The following EFL1 variants were observed in gnomAD, a reference collection of about 807,000 sequenced individuals.
EFL1 encodes the protein elongation factor-like GTPase 1.
In EFL1, 76 loss-of-function variants were observed where a neutral mutation model predicts 126.7. That is an observed-to-expected ratio of 0.60 (90% CI 0.50 to 0.73). The LOEUF is 0.73. Ranked by LOEUF, EFL1 falls within the 30% of genes least tolerant of loss-of-function variation. The pLI, the probability that EFL1 is intolerant of heterozygous loss-of-function variation, is 0.00. For synonymous variants in EFL1, 410 were observed against 448.4 expected (o/e 0.91, Z 1.08); for missense variants, 1,128 against 1,343.2 (o/e 0.84, Z 2.50).
chr15:82,216,886 A>G (rs2074653157), intron 14 of EFL1, among the ~76,000 whole-genome samples: 1 of 151,918 alleles, frequency 6.6e-6, no homozygotes, highest in Admixed American at 6.5e-5. Flanking sequence ...AAGTAAAAAC[A>G]AGTTCTACAC....
chr15:82,170,357 G>A (rs995395178), intron 15 of EFL1, among the ~76,000 whole-genome samples: 3 of 151,812 alleles, frequency 2.0e-5, no homozygotes, highest in African/African-American at 4.8e-5. Flanking sequence ...CTCGTGATCC[G>A]CCCGCCTCGG....
chr15:82,178,122 T>C (rs1407452617), intron 15 of EFL1, among the ~76,000 whole-genome samples: 2 of 152,256 alleles, frequency 1.3e-5, no homozygotes, highest in Admixed American at 6.5e-5. Flanking sequence ...TCTTTAGATT[T>C]ATCAGCAACA....
intron 15 of EFL1, among the ~76,000 whole-genome samples, chr15:82,164,195 T>C (rs1260348039): frequency 6.6e-6 from 1 of 152,132 alleles, no homozygotes; most frequent in Non-Finnish European, 1.5e-5. Context: ...GCCTTTTGTT[T>C]CCCACATGTA....
intron 15 of EFL1, among the ~76,000 whole-genome samples, chr15:82,207,310 A>C (rs1277530008): frequency 6.8e-6 from 1 of 146,336 alleles, no homozygotes; most frequent in East Asian, 1.9e-4. Flanking sequence ...ATATATATAC[A>C]CACACACATA....
At chr15:82,223,502 G>A (rs2074732679) in intron 12 of EFL1, among the ~76,000 whole-genome samples, 1 of 152,110 alleles carries the variant, frequency 6.6e-6, no homozygotes, top group Non-Finnish European at 1.5e-5. Context: ...AACATTCACA[G>A]AAAATGTAAT....
At chr15:82,131,441 G>T (rs1430222318) in intron 19 of EFL1, among the ~76,000 whole-genome samples, 1 of 152,132 alleles carries the variant, frequency 6.6e-6, no homozygotes, top group African/African-American at 2.4e-5. Context: ...ACAGGTGCAT[G>T]CCACCATGCC....
intron 19 of EFL1, among the ~76,000 whole-genome samples, chr15:82,136,204 C>T (rs1012502945): frequency 5.9e-5 from 9 of 152,084 alleles, no homozygotes; most frequent in Non-Finnish European, 5.9e-5. Flanking sequence ...TCAAATGAAT[C>T]ATTCTTCCAA....
At chr15:82,169,082 C>G (rs768297486) in intron 15 of EFL1, among the ~76,000 whole-genome samples, 36 of 152,090 alleles carry the variant, frequency 2.4e-4, no homozygotes, top group Non-Finnish European at 4.0e-4. Context: ...AACAGACTGA[C>G]CCAATGGAGC....
intron 12 of EFL1, 125 bp downstream of exon 12, chr15:82,225,039 GC>G (rs2074747442): frequency 1.7e-6 from 1 of 597,232 alleles, no homozygotes; most frequent in Non-Finnish European, 2.9e-6. Context: ...CTGGGGGTTG[GC>G]TTGATATGAA....
At chr15:82,201,549 A>G (rs1459150985) in intron 15 of EFL1, among the ~76,000 whole-genome samples, 1 of 152,130 alleles carries the variant, frequency 6.6e-6, no homozygotes, top group East Asian at 1.9e-4. Context: ...CTTGTAAACG[A>G]TATCTTAAAA....
In EFL1 at chr15:82,241,150, T is replaced by C. The variant is rs553166951; in HGVS notation, c.378+120A>G. ...TTTAACTCCTTCACAGACTGGAACG[T>C]TACCAAATGTGAAATATAAAACCAA... On this transcript the variant is annotated intron_variant, in intron 5 of 19. Transcript: ENST00000268206. The C allele has an allele frequency of 2.9e-4, 344 of 1,201,392 alleles. 3 individuals carry two copies. The South Asian group carries it at 4.8e-3, about 17-fold the overall frequency. The allele number at this position is 1,201,392 out of a possible 1,614,324, so 74.4% of individuals were successfully genotyped here.
intron 9 of EFL1, among the ~76,000 whole-genome samples, 183 bp downstream of exon 9, chr15:82,228,851 C>T (rs12594303): frequency 0.1 from 15,497 of 152,230 alleles, 1,160 homozygotes; most frequent in East Asian, 0.35. Context: ...TCCAACATCA[C>T]CCTTTAGCTG....
In EFL1 at chr15:82,152,263, C is replaced by T. The variant is rs1330547706; in HGVS notation, c.2191G>A (p.Gly731Arg). Residue 731 changes from glycine to arginine, a missense_variant, in exon 18 of 20, where the codon GGA (glycine) becomes AGA (arginine). Gly to Arg is a moderately radical substitution (Grantham distance 125, BLOSUM62 -2). Around this residue, in one of 6 missense-constraint regions of EFL1, gnomAD observed 561 missense variants for 641.7 expected, o/e 0.87. Coordinates refer to ENST00000268206, the MANE Select transcript of EFL1 (RefSeq NM_024580.6). ...AGCCCGTCAGAGTCAACTTGGATTC[C>T]TTCAGGGATTTTGCTTTGATCTTCT... ...MKEDQSKIPEGIQVDSDGLIT... is the reference protein window; with the variant it reads ...MKEDQSKIPERIQVDSDGLIT... 4 of 1,613,996 alleles carry T rather than the reference C, an allele frequency of 2.5e-6. No homozygotes were observed. In the African/African-American group the frequency reaches 5.3e-5, roughly 22 times the overall value.
intron 2 of EFL1, among the ~76,000 whole-genome samples, chr15:82,260,663 T>G (rs1400857673): frequency 6.6e-6 from 1 of 152,206 alleles, no homozygotes; most frequent in African/African-American, 2.4e-5. Context: ...TTCATCCTGT[T>G]TTACAGATGC....
intron 15 of EFL1, among the ~76,000 whole-genome samples, chr15:82,202,658 G>T (rs1479176017): frequency 1.3e-5 from 2 of 152,076 alleles, no homozygotes; most frequent in Non-Finnish European, 2.9e-5. Context: ...CTGTTGCCCA[G>T]GGCTACAAGG....
In EFL1 at chr15:82,180,386, AAC is replaced by A. The variant is rs1401496874; in HGVS notation, c.1751-16404_1751-16403del. 8.1e-3 allele frequency among the ~76,000 whole-genome samples: 1,127 copies of A among 138,398 alleles called. 28 individuals are homozygous for A. Among genetic ancestry groups the A allele is most frequent in the African/African-American group, 0.015 (530 of 35,334 alleles). The allele number at this position is 138,398 out of a possible 152,430, so 90.8% of individuals were successfully genotyped here. A position where few individuals can be genotyped will look rare whatever the true frequency, so the allele number is the denominator to read the frequency against. ...AAAAAAAAAAAACAAAAAAAAAACA[AAC>A]AAAAAAAACCAGCCAACCACCACCA... On this transcript the variant is annotated intron_variant, in intron 15 of 19. Coordinates refer to ENST00000268206, the MANE Select transcript of EFL1 (RefSeq NM_024580.6).
intron 11 of EFL1, among the ~76,000 whole-genome samples, chr15:82,226,924 T>C (rs2074769783): frequency 6.6e-6 from 1 of 152,046 alleles, no homozygotes; most frequent in African/African-American, 2.4e-5. Context: ...ATGAAAGCAA[T>C]GGAAGCCTAA....
rs2073752054 is a variant in EFL1 at position 82,138,719 on chromosome 15, T to C, written c.3113A>G (p.Asp1038Gly). ...LPVAESFGFA[D>G]EIRKRTSGLA... is the part of the protein sequence containing the mutation. Reference sequence around the variant, plus strand: ...GCCACTTGTCCTCTTCCTGATTTCATCAGCAAAACCAAAGCTTTCAGCAAC... The same window carrying C: ...GCCACTTGTCCTCTTCCTGATTTCACCAGCAAAACCAAAGCTTTCAGCAAC... The change falls in exon 19 of 20, where the codon GAT (aspartate) becomes GGT (glycine). Residue 1038 changes from aspartate to glycine, a missense_variant. Physicochemically the swap from Asp to Gly is moderately conservative, Grantham distance 94. Around this residue, in one of 6 missense-constraint regions of EFL1, gnomAD observed 561 missense variants for 641.7 expected, o/e 0.87. Coordinates refer to ENST00000268206, the MANE Select transcript of EFL1 (RefSeq NM_024580.6). 6.2e-7 allele frequency: 1 copy of C among 1,614,082 alleles called. No individual in the cohort carries two copies. Among genetic ancestry groups the C allele is most frequent in the Non-Finnish European group, 8.5e-7 (1 of 1,179,928 alleles).
chr15:82,262,437 C>G (rs2075135289), intron 1 of EFL1, 177 bp downstream of exon 1: 1 of 186,318 alleles, frequency 5.4e-6, no homozygotes, highest in African/African-American at 2.4e-5. Flanking sequence ...TGGGTCCACA[C>G]AGACAGGCGA....
Sources: allele counts gnomAD v4.1 joint callset (sites outside exome capture counted in the v4.1 genomes callset), GRCh38; gene constraint gnomAD v4.1.1; regional missense constraint gnomAD v4.1.1; transcripts MANE v1.5; gene names NCBI Gene and HGNC (gene_info 2026-07-23, HGNC 2026-07-21).